Variants in PDE1C observed in about 807,000 individuals in gnomAD.
PDE1C encodes the protein phosphodiesterase 1C.
PDE1C carries 62 observed loss-of-function variants against 93.1 expected under a neutral mutation model. The ratio of observed to expected loss-of-function variants is 0.67; its 90% CI spans 0.54 to 0.82. The LOEUF (loss-of-function observed/expected upper bound fraction) is 0.82, where lower values mean the gene tolerates loss of function less well. Ranked by LOEUF, PDE1C falls within the 40% of genes least tolerant of loss-of-function variation. The pLI is 0.00. For missense variants in PDE1C, 742 were observed against 884.6 expected (o/e 0.84, Z 2.04); for synonymous variants, 325 against 310.1 (o/e 1.05, Z -0.50).
the PDE1C span, among the ~76,000 whole-genome samples, chr7:31,688,676 C>A: frequency 6.6e-6 from 1 of 152,164 alleles, no homozygotes; most frequent in Non-Finnish European, 1.5e-5. Context: ...AAGTATCTCT[C>A]TGTAAAAAGA....
chr7:32,255,109 A>C (rs1809686023), intron 1 of PDE1C, among the ~76,000 whole-genome samples: 1 of 152,178 alleles, frequency 6.6e-6, no homozygotes, highest in Admixed American at 6.5e-5. Context: ...ACCCACATTG[A>C]TAACAAGAGG....
At chr7:31,652,596 G>A in the PDE1C span, 9 of 1,612,924 alleles carry the variant, frequency 5.6e-6, no homozygotes, top group African/African-American at 2.7e-5. Flanking sequence ...AGAAAGCAAT[G>A]GGCAGACTTC....
chr7:32,051,525 C>T, intron 2 of PDE1C, 29 bp downstream of exon 2: 1 of 1,611,110 alleles, frequency 6.2e-7, no homozygotes, highest in African/African-American at 1.3e-5. Flanking sequence ...AATGAATCAA[C>T]CAGTTGCAGC....
chr7:32,228,503 C>T (rs1807458361), intron 1 of PDE1C, among the ~76,000 whole-genome samples: 1 of 152,208 alleles, frequency 6.6e-6, no homozygotes, highest in Non-Finnish European at 1.5e-5. Flanking sequence ...GGGCACCCAG[C>T]TACTAAGTGG....
the PDE1C span, among the ~76,000 whole-genome samples, chr7:31,636,100 G>C: frequency 6.6e-6 from 1 of 152,086 alleles, no homozygotes; most frequent in Non-Finnish European, 1.5e-5. Flanking sequence ...AAAACCATCA[G>C]ATCTCATGAG....
chr7:32,336,511 T>G (rs1013802651), intron 1 of PDE1C, among the ~76,000 whole-genome samples: 48 of 152,192 alleles, frequency 3.2e-4, no homozygotes, highest in African/African-American at 1.2e-3. Context: ...ACAATTGACA[T>G]GAAAATGGGA....
chr7:31,771,882 C>T (rs556854039), intron 17 of PDE1C, among the ~76,000 whole-genome samples: 2 of 151,774 alleles, frequency 1.3e-5, no homozygotes, highest in Non-Finnish European at 2.9e-5. Flanking sequence ...GGTGAAACCC[C>T]GTCTCTACAA....
chr7:31,664,810 T>C, the PDE1C span, among the ~76,000 whole-genome samples: 1 of 152,322 alleles, frequency 6.6e-6, no homozygotes, highest in East Asian at 1.9e-4. Context: ...GGAAACTCAA[T>C]TTACCTCACC....
At chr7:31,778,244 G>C (rs1351241221) in intron 16 of PDE1C, among the ~76,000 whole-genome samples, 2 of 152,194 alleles carry the variant, frequency 1.3e-5, no homozygotes, top group African/African-American at 4.8e-5. Flanking sequence ...ACAAAGAATG[G>C]TGGACCCTGG....
intron 2 of PDE1C, among the ~76,000 whole-genome samples, chr7:31,890,484 A>G (rs1482575127): frequency 1.3e-5 from 2 of 152,162 alleles, no homozygotes; most frequent in Non-Finnish European, 2.9e-5. Context: ...ACATCTTTCC[A>G]TGTCTTCATA....
intron 3 of PDE1C, among the ~76,000 whole-genome samples, chr7:32,120,273 C>T (rs974864922): frequency 5.3e-5 from 8 of 152,184 alleles, no homozygotes; most frequent in African/African-American, 1.7e-4. Context: ...GAAGGGTGGC[C>T]GCAGTCTCTG....
At chr7:32,333,031 G>A (rs1210836495) in intron 1 of PDE1C, among the ~76,000 whole-genome samples, 1 of 152,108 alleles carries the variant, frequency 6.6e-6, no homozygotes, top group Admixed American at 6.5e-5. Context: ...ATGTATTTAT[G>A]TTGTACATCA....
intron 17 of PDE1C, 94 bp from the exon 18 acceptor site, chr7:31,753,647 TG>T (rs1176777885): frequency 6.9e-7 from 1 of 1,446,340 alleles, no homozygotes; most frequent in African/African-American, 1.4e-5. Flanking sequence ...TAGACCTGTT[TG>T]TTTCCTCCAA....
chr7:32,283,952 G>A (rs959035923), intron 1 of PDE1C, among the ~76,000 whole-genome samples: 3 of 152,202 alleles, frequency 2.0e-5, no homozygotes, highest in South Asian at 2.1e-4. Context: ...TTTTGGTGCA[G>A]TCAGTAAATA....
chr7:31,928,067 T>C (rs559686277), intron 2 of PDE1C, among the ~76,000 whole-genome samples: 1 of 152,106 alleles, frequency 6.6e-6, no homozygotes, highest in East Asian at 1.9e-4. Flanking sequence ...AACTGCTAAC[T>C]AGAATAACCA....
intron 1 of PDE1C, among the ~76,000 whole-genome samples, chr7:32,356,929 C>T (rs928166230): frequency 1.3e-5 from 2 of 151,950 alleles, no homozygotes; most frequent in African/African-American, 4.8e-5. Flanking sequence ...GAAGACTCCT[C>T]GAGGGGACAT....
intron 1 of PDE1C, among the ~76,000 whole-genome samples, chr7:32,288,610 A>G (rs1812149789): frequency 1.3e-5 from 2 of 152,200 alleles, no homozygotes; most frequent in Non-Finnish European, 2.9e-5. Context: ...TCTTTAAGAG[A>G]TGACTGATTC....
rs969485328 is a variant in PDE1C, at chr7:31,752,643, G to T, written c.*741C>A. 6.6e-6 allele frequency: 1 copy of T among 152,140 alleles called. No homozygotes were observed. The highest frequency in any genetic ancestry group is 1.9e-4 in the East Asian group (1 of 5,164). The allele number at this position is 152,140 out of a possible 1,614,324, so 9.4% of individuals were successfully genotyped here. A position where few individuals can be genotyped will look rare whatever the true frequency, so the allele number is the denominator to read the frequency against. ...TCATCTACTGTGGGTAGAAGTAAAA[G>T]ATTAGAGGAAAATGAAGCCAAATGC... On this transcript the variant is annotated 3_prime_UTR_variant, in exon 18 of 18. Coordinates refer to ENST00000396191, the MANE Select transcript of PDE1C (RefSeq NM_001191057.4).
intron 16 of PDE1C, chr7:31,790,130 G>A (rs1286593254): frequency 6.3e-6 from 10 of 1,579,966 alleles, no homozygotes; most frequent in Non-Finnish European, 8.6e-6. Flanking sequence ...TTTGAAAGTT[G>A]TACACCTTCT....
Sources: allele counts gnomAD v4.1 joint callset (sites outside exome capture counted in the v4.1 genomes callset), GRCh38; gene constraint gnomAD v4.1.1; transcripts MANE v1.5; gene names NCBI Gene and HGNC (gene_info 2026-07-23, HGNC 2026-07-21).